The following SND1 variants were observed in gnomAD, a reference collection of about 807,000 sequenced individuals.
SND1 encodes staphylococcal nuclease domain-containing protein 1.
Under a neutral mutation model 121.7 loss-of-function variants are expected in SND1, and 38 were observed. The ratio of observed to expected loss-of-function variants is 0.31; its 90% CI spans 0.24 to 0.41. The LOEUF (loss-of-function observed/expected upper bound fraction) is 0.41, where lower values mean the gene tolerates loss of function less well. SND1 is among the 10% of genes least tolerant of loss of function. SND1 has a pLI of 1.00. For missense variants in SND1, 868 were observed against 1,184.6 expected, an observed-to-expected ratio of 0.73 and a Z score of 3.92; for synonymous variants, 401 against 447.4, an observed-to-expected ratio of 0.90 and a Z score of 1.31.
intron 15 of SND1, among the ~76,000 whole-genome samples, chr7:127,960,671 T>C (rs1801710958): frequency 6.6e-6 from 1 of 152,234 alleles, no homozygotes; most frequent in South Asian, 2.1e-4. Flanking sequence ...ACATTAAATC[T>C]GTATCCACCA....
intron 16 of SND1, among the ~76,000 whole-genome samples, chr7:128,025,181 A>G (rs143672208): frequency 0.014 from 2,172 of 152,360 alleles, 21 homozygotes; most frequent in Non-Finnish European, 0.022. Flanking sequence ...AGTTCTAAAG[A>G]GAGTGAACAG....
intron 15 of SND1, among the ~76,000 whole-genome samples, chr7:127,961,914 T>C (rs374905694): frequency 9.8e-5 from 15 of 152,332 alleles, no homozygotes; most frequent in African/African-American, 3.6e-4. Flanking sequence ...AAGCGCCTCT[T>C]ATCATTACCT....
rs1208190085 is a variant in SND1, at chr7:127,822,589, G to GT, written c.1242+15022dup. Among the ~76,000 whole-genome samples, 4 of 151,896 alleles carry GT rather than the reference G, an allele frequency of 2.6e-5. No individual in the cohort carries two copies. In the South Asian group the frequency reaches 8.3e-4, roughly 32 times the overall value. Reference sequence around the variant, plus strand: ...AAAAGCACTTGTTTATTCTAAAAATGTTTTTTGAAAAAAAGAGAAGATAAA... The same window carrying GT: ...AAAAGCACTTGTTTATTCTAAAAATGTTTTTTTGAAAAAAAGAGAAGATAAA... On this transcript the variant is annotated intron_variant, in intron 11 of 23. Transcript: ENST00000354725.
chr7:127,698,813 G>T (rs929615366), intron 3 of SND1, 62 bp from the exon 4 acceptor site: 7 of 1,343,936 alleles, frequency 5.2e-6, no homozygotes, highest in South Asian at 1.2e-5. Context: ...TCCCATTTGG[G>T]CTCTGTTGCT....
chr7:127,948,718 A>G (rs1442958306), intron 15 of SND1, among the ~76,000 whole-genome samples: 1 of 152,212 alleles, frequency 6.6e-6, no homozygotes, highest in East Asian at 1.9e-4. Flanking sequence ...TGGCCCTACC[A>G]GCTTCTTTGG....
intron 9 of SND1, among the ~76,000 whole-genome samples, chr7:127,713,596 C>T (rs938494262): frequency 1.1e-4 from 16 of 152,284 alleles, no homozygotes; most frequent in East Asian, 5.8e-4. Flanking sequence ...TACAGGGCCC[C>T]GCTAAAAGCC....
chr7:127,995,105 T>C (rs1037668138), intron 16 of SND1, among the ~76,000 whole-genome samples: 3 of 152,262 alleles, frequency 2.0e-5, no homozygotes, highest in African/African-American at 7.2e-5. Flanking sequence ...ACAGAGGCTA[T>C]ATGGCTTGCA....
intron 16 of SND1, chr7:127,999,511 A>C (rs988273634): frequency 1.3e-5 from 2 of 152,010 alleles, no homozygotes; most frequent in African/African-American, 4.8e-5. Context: ...TTTCCTCTCC[A>C]TCTTTAGGTC....
chr7:127,781,781 A>C (rs1253732831), intron 10 of SND1, among the ~76,000 whole-genome samples: 2 of 152,218 alleles, frequency 1.3e-5, no homozygotes, highest in African/African-American at 2.4e-5. Context: ...ATGAAATGTC[A>C]ATTCAGTAAT....
intron 16 of SND1, among the ~76,000 whole-genome samples, chr7:128,005,332 G>A (rs1338505507): frequency 2.0e-5 from 3 of 152,150 alleles, no homozygotes; most frequent in Admixed American, 6.5e-5. Context: ...GTGCACCCAC[G>A]CATGCCTAAC....
intron 16 of SND1, among the ~76,000 whole-genome samples, chr7:128,008,914 C>T (rs1271643893): frequency 6.6e-6 from 1 of 152,140 alleles, no homozygotes; most frequent in Non-Finnish European, 1.5e-5. Context: ...TAAACATAGA[C>T]ATGAGGGCTA....
rs1164207517 is a variant in SND1 at position 128,052,767 on chromosome 7, T to A, written c.1780-21735T>A. ...ATGCCAGTCTTGTGTCCCACCCTAC[T>A]TTTGTGCCCTGAAAATCATTCCCTC... On this transcript the variant is annotated intron_variant, in intron 16 of 23. Transcript: ENST00000354725. The surrounding 1 kb of genome is among the most constrained non-coding windows in gnomAD (Gnocchi z 4.6). 6.6e-6 allele frequency among the ~76,000 whole-genome samples: 1 copy of A among 152,230 alleles called. No homozygotes were observed. The highest frequency in any genetic ancestry group is 1.5e-5 in the Non-Finnish European group (1 of 68,034).
At chr7:127,841,389 T>G (rs1039749203) in intron 11 of SND1, among the ~76,000 whole-genome samples, 64 of 152,174 alleles carry the variant, frequency 4.2e-4, no homozygotes, top group African/African-American at 1.5e-3. Flanking sequence ...TTCCACATAT[T>G]TATTAACTTC....
rs578235504 is a variant in SND1 at position 127,795,836 on chromosome 7, T to TTTTA, written c.1153-11628_1153-11625dup. Among the ~76,000 whole-genome samples the TTTTA allele has an allele frequency of 4.8e-3, 730 of 152,028 alleles. 4 individuals carry two copies. Among genetic ancestry groups the TTTTA allele is most frequent in the African/African-American group, 0.014 (600 of 41,494 alleles). On this transcript the variant is annotated intron_variant, in intron 10 of 23. Transcript: ENST00000354725. Reference sequence around the variant, plus strand: ...ATATCTAGTTAAATGTTTTCTAATCTTTTATTTATTTATTTATTTATTTTA... The same window carrying TTTTA: ...ATATCTAGTTAAATGTTTTCTAATCTTTTATTTATTTATTTATTTATTTATTTTA...
chr7:127,865,448 T>C (rs1799451119), intron 12 of SND1, among the ~76,000 whole-genome samples: 1 of 152,170 alleles, frequency 6.6e-6, no homozygotes, highest in African/African-American at 2.4e-5. Flanking sequence ...AGAAATGAAA[T>C]GAGAAGCAGG....
chr7:127,880,838 A>G (rs2116717013), intron 12 of SND1, among the ~76,000 whole-genome samples: 1 of 152,070 alleles, frequency 6.6e-6, no homozygotes, highest in Admixed American at 6.6e-5. Context: ...AGGTCTCTTA[A>G]TTTTGTCTAC....
At chr7:128,043,503 G>A (rs572530203) in intron 16 of SND1, among the ~76,000 whole-genome samples, 2 of 152,074 alleles carry the variant, frequency 1.3e-5, no homozygotes, top group East Asian at 3.9e-4. Flanking sequence ...GAACCCCAGA[G>A]GCAGAGGCTG....
In SND1 at chr7:127,916,390, A is replaced by G. The variant is rs140545810; in HGVS notation, c.1527+11571A>G. The stretch of plus-strand genomic sequence containing the variant: ...GGTGGTGCTCCTTGTCTGATATTGT[A>G]AATGATGGCAGAGTAGATTTGCAAG... On this transcript the variant is annotated intron_variant, in intron 14 of 23. Coordinates refer to ENST00000354725, the MANE Select transcript of SND1 (RefSeq NM_014390.4). Among the ~76,000 whole-genome samples the G allele has an allele frequency of 5.8e-3, 890 of 152,302 alleles. 4 individuals are homozygous for G. Among genetic ancestry groups the G allele is most frequent in the Non-Finnish European group, 8.4e-3 (573 of 68,016 alleles).
intron 17 of SND1, among the ~76,000 whole-genome samples, 163 bp from the exon 18 acceptor site, chr7:128,081,197 C>T (rs560614029): frequency 6.6e-6 from 1 of 152,266 alleles, no homozygotes; most frequent in East Asian, 1.9e-4. Flanking sequence ...AGAGTTTCAC[C>T]ATATTGGCCA....
Sources: allele counts gnomAD v4.1 joint callset (sites outside exome capture counted in the v4.1 genomes callset), GRCh38; gene constraint gnomAD v4.1.1; non-coding constraint Gnocchi (gnomAD v3.1); transcripts MANE v1.5; gene names NCBI Gene and HGNC (gene_info 2026-07-23, HGNC 2026-07-21).